CAVIN2: variants seen among roughly 807,000 people sequenced by gnomAD.
The protein encoded by CAVIN2 is caveolae associated protein 2.
A neutral mutation model predicts 11.7 loss-of-function variants in CAVIN2; 13 were observed. The observed-to-expected ratio is 1.11, with a 90% CI of 0.72 to 1.77. CAVIN2 has a LOEUF of 1.77. Among genes scored for constraint, CAVIN2 ranks in the 40% most tolerant of loss-of-function variants. The pLI is 0.00. For synonymous variants in CAVIN2, 237 were observed against 223.2 expected (o/e 1.06, Z -0.55); for missense variants, 549 against 542.9 (o/e 1.01, Z -0.11).
rs1290548199 is a variant in CAVIN2 at position 191,836,483 on chromosome 2, C to T, written c.718G>A (p.Asp240Asn). The T allele has an allele frequency of 6.2e-7, 1 of 1,614,118 alleles. No individual in the cohort carries two copies. The highest frequency in any genetic ancestry group is 8.5e-7 in the Non-Finnish European group (1 of 1,180,038). The change falls in exon 2 of 2, where the codon GAT becomes AAT. Residue 240 changes from aspartate to asparagine, a missense_variant. Coordinates refer to ENST00000304141, the MANE Select transcript of CAVIN2 (RefSeq NM_004657.6). ...KIKRSSLKKV[D>N]SLKKAFSRQN... is the part of the protein sequence containing the mutation. ...CGAGAAAATGCTTTCTTGAGGCTAT[C>T]CACTTTCTTCAGGCTGGATCTTTTT...
At chr2:191,841,268 T>C (rs1302239500) in intron 1 of CAVIN2, among the ~76,000 whole-genome samples, 1 of 152,196 alleles carries the variant, frequency 6.6e-6, no homozygotes, top group Non-Finnish European at 1.5e-5. Context: ...ACTGGTTAGG[T>C]GTTCTTTGTT....
intron 1 of CAVIN2, 88 bp downstream of exon 1, chr2:191,846,355 T>C: frequency 7.0e-7 from 1 of 1,433,024 alleles, no homozygotes; most frequent in Non-Finnish European, 9.3e-7. Flanking sequence ...AGGACAAATG[T>C]AAAAATGGCT....
intron 1 of CAVIN2, among the ~76,000 whole-genome samples, chr2:191,844,376 G>A (rs775315307): frequency 2.6e-5 from 4 of 152,162 alleles, no homozygotes; most frequent in Non-Finnish European, 4.4e-5. Flanking sequence ...ATCATCTTGC[G>A]ATGCCTTGAG....
At chr2:191,840,439 C>T (rs184103886) in intron 1 of CAVIN2, among the ~76,000 whole-genome samples, 7 of 152,304 alleles carry the variant, frequency 4.6e-5, no homozygotes, top group East Asian at 3.9e-4. Flanking sequence ...CAGGTGTTCC[C>T]GGTTCTGACC....
intron 1 of CAVIN2, among the ~76,000 whole-genome samples, chr2:191,843,561 G>T (rs1016101313): frequency 2.0e-5 from 3 of 152,188 alleles, no homozygotes; most frequent in African/African-American, 4.8e-5. Context: ...TGGAGGGTTC[G>T]TTGAGTAGGT....
Position 191,836,484 on chromosome 2 carries a change from C to T in CAVIN2, c.717G>A (p.Val239=). 5 of 1,614,104 alleles carry T rather than the reference C, an allele frequency of 3.1e-6. No individual in the cohort carries two copies. Among genetic ancestry groups the T allele is most frequent in the Non-Finnish European group, 3.4e-6 (4 of 1,180,036 alleles). The change falls in exon 2 of 2, where the codon GTG becomes GTA. Residue 239 remains valine (V), a synonymous_variant. Transcript: ENST00000304141. Reference sequence around the variant, plus strand: ...GAGAAAATGCTTTCTTGAGGCTATCCACTTTCTTCAGGCTGGATCTTTTTA... The same window carrying T: ...GAGAAAATGCTTTCTTGAGGCTATCTACTTTCTTCAGGCTGGATCTTTTTA... ...EKIKRSSLKK[V]DSLKKAFSRQ...
chr2:191,836,306 G>A lies in CAVIN2; in HGVS notation c.895C>T (p.Arg299Trp), dbSNP rs766125336. 1.2e-6 allele frequency: 2 copies of A among 1,613,998 alleles called. No homozygotes were observed. Among genetic ancestry groups the A allele is most frequent in the South Asian group, 1.1e-5 (1 of 91,076 alleles). The change falls in exon 2 of 2, where the codon CGG (arginine) becomes TGG (tryptophan). Residue 299 changes from arginine (R) to tryptophan (W), a missense_variant. Physicochemically the swap from Arg to Trp is moderately radical, Grantham distance 101. Transcript: ENST00000304141. ...PFKVSPLTFG[R>W]KKVREGESHA... The stretch of plus-strand genomic sequence containing the variant: ...CTTTCTCCCTCTCGGACTTTCTTCC[G>A]CCCGAAAGTGAGGGGAGAAACCTTG...
At position 191,846,516 on chromosome 2, in the gene CAVIN2, G is replaced by A. The variant is rs752281751; in HGVS notation, c.410C>T (p.Ala137Val). The A allele has an allele frequency of 5.6e-6, 9 of 1,614,150 alleles. No homozygotes were observed. In the East Asian group the frequency reaches 2.0e-4, roughly 36 times the overall value. ...AVKERMDRQC[A>V]QVKRLENNHA... is the part of the protein sequence containing the mutation. ...GTTGTTCTCCAGCCGCTTCACCTGT[G>A]CGCACTGCCTATCCATGCGCTCTTT... Residue 137 changes from alanine to valine, a missense_variant, in exon 1 of 2, where the codon GCA (alanine) becomes GTA (valine). By Grantham distance (64) the Ala-to-Val change is moderately conservative. Transcript: ENST00000304141.
rs150423095 is a variant in CAVIN2, at chr2:191,836,009, T to C, written c.1192A>G (p.Ser398Gly). Residue 398 changes from serine to glycine, a missense_variant, in exon 2 of 2, where the codon AGC (serine) becomes GGC (glycine). Ser to Gly is a moderately conservative substitution (Grantham distance 56). Transcript: ENST00000304141. ...GCCTCCTCGGATGTTAGCGCGTAGCTACCCTCATAGCGTACCTTCTGTGCC... is the reference window on the plus strand; with the variant it reads ...GCCTCCTCGGATGTTAGCGCGTAGCCACCCTCATAGCGTACCTTCTGTGCC... ...EQAQKVRYEG[S>G]YALTSEEAER... 1,733 of 1,614,220 alleles carry C rather than the reference T, an allele frequency of 1.1e-3. 2 individuals are homozygous for C. The highest frequency in any genetic ancestry group is 1.3e-3 in the Non-Finnish European group (1,521 of 1,180,030).
chr2:191,839,353 A>G (rs1690062625), intron 1 of CAVIN2, among the ~76,000 whole-genome samples: 1 of 152,246 alleles, frequency 6.6e-6, no homozygotes, highest in African/African-American at 2.4e-5. Flanking sequence ...CTTCTAAAGG[A>G]ATTAAACTAA....
rs191277348 is a variant in CAVIN2, at chr2:191,844,763, A to G, written c.483+1680T>C. Among the ~76,000 whole-genome samples, 3 of 152,212 alleles carry G rather than the reference A, an allele frequency of 2.0e-5. No homozygotes were observed. In the East Asian group the frequency reaches 5.8e-4, roughly 29 times the overall value. On this transcript the variant is annotated intron_variant, in intron 1 of 1. Coordinates refer to ENST00000304141, the MANE Select transcript of CAVIN2 (RefSeq NM_004657.6). ...AGATTTATAATTCTCCTGAATTTCT[A>G]CTAGCATATCCTCTCCATCCCTCCC... is the stretch of plus-strand genomic sequence containing the variant.
At chr2:191,839,676 C>T (rs893325473) in intron 1 of CAVIN2, among the ~76,000 whole-genome samples, 5 of 152,186 alleles carry the variant, frequency 3.3e-5, no homozygotes, top group African/African-American at 1.2e-4. Flanking sequence ...TTGGATGTGT[C>T]TTTATGCAAC....
Position 191,847,085 on chromosome 2 carries a change from G to T in CAVIN2, c.-160C>A, listed in dbSNP as rs139716490. 1.7e-5 allele frequency: 15 copies of T among 869,842 alleles called. No individual in the cohort carries two copies. Among genetic ancestry groups the T allele is most frequent in the Non-Finnish European group, 2.4e-5 (14 of 581,072 alleles). 53.9% of individuals were successfully genotyped at this position (869,842 alleles called of 1,614,324 possible). ...CAGACAGGCAACAACTGGCTACGCT[G>T]ATCAGGGGAACTGCATTCCAGCTGC... On this transcript the variant is annotated 5_prime_UTR_variant, in exon 1 of 2. Coordinates refer to ENST00000304141, the MANE Select transcript of CAVIN2 (RefSeq NM_004657.6).
chr2:191,843,352 T>G (rs1456599083), intron 1 of CAVIN2, among the ~76,000 whole-genome samples: 1 of 152,234 alleles, frequency 6.6e-6, no homozygotes, highest in Non-Finnish European at 1.5e-5. Flanking sequence ...TCTCGCTCTC[T>G]TATTTTTACA....
chr2:191,847,005 GA>G lies in CAVIN2; in HGVS notation c.-81del. On this transcript the variant is annotated 5_prime_UTR_variant, in exon 1 of 2. Transcript: ENST00000304141. Reference sequence around the variant, plus strand: ...AGAAGTTGCGGTGGTGAGGGTGTAGGATGAGGCCCGCTGGTTGGAGCTCAGG... The same window carrying G: ...AGAAGTTGCGGTGGTGAGGGTGTAGGTGAGGCCCGCTGGTTGGAGCTCAGG... 1 of 1,510,108 alleles carries G rather than the reference GA, an allele frequency of 6.6e-7. No individual in the cohort carries two copies. The highest frequency in any genetic ancestry group is 8.8e-7 in the Non-Finnish European group (1 of 1,136,724). 93.5% of individuals were successfully genotyped at this position (1,510,108 alleles called of 1,614,324 possible).
chr2:191,839,203 C>T (rs1690060512), intron 1 of CAVIN2, among the ~76,000 whole-genome samples: 1 of 152,124 alleles, frequency 6.6e-6, no homozygotes, highest in African/African-American at 2.4e-5. Context: ...GAAATTCAGG[C>T]AGAAAACTGT....
intron 1 of CAVIN2, among the ~76,000 whole-genome samples, chr2:191,842,857 G>A (rs1690112715): frequency 6.6e-6 from 1 of 152,210 alleles, no homozygotes; most frequent in Non-Finnish European, 1.5e-5. Context: ...CGTTTTGAGT[G>A]GGACAAATTA....
Position 191,847,041 on chromosome 2 carries a change from T to TGGAGACTGGTG in CAVIN2, c.-117_-116insCACCAGTCTCC. On this transcript the variant is annotated 5_prime_UTR_variant, in exon 1 of 2. Transcript: ENST00000304141. ...CTGGTTGGAGCTCAGGGCACCAGTC[T>TGGAGACTGGTG]CCAGGACTGGCAGAGGTTCAGACAG... is the stretch of plus-strand genomic sequence containing the variant. The TGGAGACTGGTG allele has an allele frequency of 7.5e-7, 1 of 1,338,384 alleles. No individual in the cohort carries two copies. Among genetic ancestry groups the TGGAGACTGGTG allele is most frequent in the Non-Finnish European group, 1.0e-6 (1 of 992,210 alleles). 82.9% of individuals were successfully genotyped at this position (1,338,384 alleles called of 1,614,324 possible).
At chr2:191,843,648 A>T (rs1690125861) in intron 1 of CAVIN2, among the ~76,000 whole-genome samples, 1 of 152,146 alleles carries the variant, frequency 6.6e-6, no homozygotes, top group Non-Finnish European at 1.5e-5. Flanking sequence ...TATACAATAC[A>T]TGGTTCTCTG....
Sources: allele counts gnomAD v4.1 joint callset (sites outside exome capture counted in the v4.1 genomes callset), GRCh38; gene constraint gnomAD v4.1.1; transcripts MANE v1.5; gene names NCBI Gene and HGNC (gene_info 2026-07-23, HGNC 2026-07-21).